The following ESR2 variants were observed in gnomAD, a reference collection of about 807,000 sequenced individuals.
ESR2 encodes the protein estrogen receptor 2, also known as estrogen receptor beta.
Under a neutral mutation model 49.6 loss-of-function variants are expected in ESR2, and 36 were observed. That is an observed-to-expected ratio of 0.73 (90% confidence interval 0.56 to 0.96). ESR2 has a LOEUF of 0.96. Ranked by LOEUF, ESR2 falls within the 40% of genes least tolerant of loss-of-function variation. ESR2 has a pLI of 0.00. For missense variants in ESR2, 714 were observed against 693.0 expected, an observed-to-expected ratio of 1.03 and a Z score of -0.34; for synonymous variants, 320 against 266.1, an observed-to-expected ratio of 1.20 and a Z score of -1.97.
chr14:64,301,297 AG>A (rs918333567), intron 1 of ESR2: 75 of 152,344 alleles, frequency 4.9e-4, no homozygotes, highest in African/African-American at 1.7e-3. Context: ...GACTTTCAGA[AG>A]GTAAGAAGTC....
At chr14:64,252,298 C>A (rs2076003472) in intron 6 of ESR2, among the ~76,000 whole-genome samples, 1 of 83,276 alleles carries the variant, frequency 1.2e-5, no homozygotes. Flanking sequence ...GGCCACAGAG[C>A]GGGACCGTCT....
rs371695344 is a variant in ESR2 at position 64,315,536 on chromosome 14, G to A, written c.-91+22362C>T. Among the ~76,000 whole-genome samples, 18 of 149,636 alleles carry A rather than the reference G, an allele frequency of 1.2e-4. No homozygotes were observed. In the East Asian group the frequency reaches 2.8e-3, roughly 23 times the overall value. ...GTTGCCCAGGCTGGAGTGCAGTGGCGCCATCTTGACTCACTGCAACCTCTG... is the reference window on the plus strand; with the variant it reads ...GTTGCCCAGGCTGGAGTGCAGTGGCACCATCTTGACTCACTGCAACCTCTG... On this transcript the variant is annotated intron_variant, in intron 1 of 8. Coordinates refer to the ESR2 transcript ENST00000358599.
chr14:64,260,735 C>T lies in ESR2; in HGVS notation c.666G>A (p.Glu222=), dbSNP rs761268108. The T allele has an allele frequency of 2.0e-6, 3 of 1,499,684 alleles. No homozygotes were observed. Among genetic ancestry groups the T allele is most frequent in the Admixed American group, 4.6e-5 (2 of 43,792 alleles). 92.9% of individuals were successfully genotyped at this position (1,499,684 alleles called of 1,614,324 possible). A position where few individuals can be genotyped will look rare whatever the true frequency, so the allele number is the denominator to read the frequency against. ...TCCGCACAAGGCGGTACCCACATCT[C>T]TCTCTCCGGGAGCCTGAAGAGGAAA... The part of the protein sequence containing the change: ...VGMVKCGSRR[E]RCGYRLVRRQ... The change falls in exon 5 of 9, where the codon GAG becomes GAA. Residue 222 remains glutamate, a synonymous_variant. Transcript: ENST00000341099.
At chr14:64,336,587 C>T (rs1412771728) in intron 1 of ESR2, 2 of 151,880 alleles carry the variant, frequency 1.3e-5, no homozygotes, top group African/African-American at 4.8e-5. Context: ...CTCCTGTTTC[C>T]TTCTCATCTC....
intron 1 of ESR2, among the ~76,000 whole-genome samples, chr14:64,314,019 A>T (rs1228288335): frequency 6.6e-6 from 1 of 152,190 alleles, no homozygotes; most frequent in Non-Finnish European, 1.5e-5. Context: ...ACCAGCATCA[A>T]CAAAATCCAA....
chr14:64,335,678 T>C (rs1320155499), intron 1 of ESR2, among the ~76,000 whole-genome samples: 2 of 152,116 alleles, frequency 1.3e-5, no homozygotes, highest in Non-Finnish European at 2.9e-5. Flanking sequence ...GGGGACACAA[T>C]TCCGTCTATA....
chr14:64,233,135 C>T lies in ESR2; in HGVS notation c.*2G>A, dbSNP rs200747927. ...TGGGCCAGTTCACCTCAGGGCCAGG[C>T]GTCACTGAGACTGTGGGTTCTGGGA... On this transcript the variant is annotated 3_prime_UTR_variant, in exon 9 of 9. Coordinates refer to ENST00000341099, the MANE Select transcript of ESR2 (RefSeq NM_001437.3). The T allele has an allele frequency of 2.3e-5, 37 of 1,612,294 alleles. No individual in the cohort carries two copies. Among genetic ancestry groups the T allele is most frequent in the Middle Eastern group, 1.7e-4 (1 of 5,916 alleles).
At chr14:64,247,651 GA>G (rs1032542625) in intron 7 of ESR2, among the ~76,000 whole-genome samples, 6 of 152,076 alleles carry the variant, frequency 3.9e-5, no homozygotes, top group Admixed American at 6.5e-5. Flanking sequence ...GTTTGAGGAA[GA>G]AAAAAAGTCA....
At chr14:64,280,982 C>T (rs113524009) in intron 2 of ESR2, among the ~76,000 whole-genome samples, 2,860 of 152,204 alleles carry the variant, frequency 0.019, 36 homozygotes, top group Middle Eastern at 0.034. Flanking sequence ...GCACTCCAGC[C>T]TGGGCAACAG....
At chr14:64,267,410 A>C (rs2076354338) in intron 4 of ESR2, among the ~76,000 whole-genome samples, 1 of 152,186 alleles carries the variant, frequency 6.6e-6, no homozygotes, top group Non-Finnish European at 1.5e-5. Flanking sequence ...CACTGGCAGG[A>C]TGTTCTACAG....
At chr14:64,289,158 T>C (rs1478198689) in intron 1 of ESR2, among the ~76,000 whole-genome samples, 1 of 152,120 alleles carries the variant, frequency 6.6e-6, no homozygotes, top group Non-Finnish European at 1.5e-5. Context: ...TAGAATCAGG[T>C]ACCTATTTGG....
chr14:64,246,028 T>C (rs2075849049), intron 7 of ESR2, among the ~76,000 whole-genome samples: 1 of 152,228 alleles, frequency 6.6e-6, no homozygotes, highest in Admixed American at 6.5e-5. Context: ...GTTGATCTTA[T>C]TCCATGATCA....
chr14:64,282,903 C>G lies in ESR2; in HGVS notation c.83G>C (p.Gly28Ala). The change falls in exon 2 of 9, where the codon GGC becomes GCC. Residue 28 changes from glycine to alanine, a missense_variant. Coordinates refer to ENST00000341099, the MANE Select transcript of ESR2 (RefSeq NM_001437.3). ...CSQSILPLEH[G>A]SIYIPSSYVD... Reference sequence around the variant, plus strand: ...ATAGGAGGAAGGTATGTATATGGAGCCGTGCTCCAGGGGTAAGATGGATTG... The same window carrying G: ...ATAGGAGGAAGGTATGTATATGGAGGCGTGCTCCAGGGGTAAGATGGATTG... 1 of 1,614,134 alleles carries G rather than the reference C, an allele frequency of 6.2e-7. No individual in the cohort carries two copies. Among genetic ancestry groups the G allele is most frequent in the Non-Finnish European group, 8.5e-7 (1 of 1,180,008 alleles).
chr14:64,242,313 G>A (rs1405955588), intron 7 of ESR2, among the ~76,000 whole-genome samples: 1 of 151,426 alleles, frequency 6.6e-6, no homozygotes, highest in Admixed American at 6.6e-5. Context: ...AGGAGGTTGA[G>A]ACAGAATTGA....
In ESR2 at chr14:64,230,064, C is replaced by T. The variant is rs1279668558; in HGVS notation, c.*3073G>A. 6.7e-6 allele frequency among the ~76,000 whole-genome samples: 1 copy of T among 149,692 alleles called. No individual in the cohort carries two copies. The highest frequency in any genetic ancestry group is 1.5e-5 in the Non-Finnish European group (1 of 67,554). ...AGTGGTGGTGTGCACCCCAGCTACTCGGCGAGGGCGGGAATGGGGTGGGAT... is the reference window on the plus strand; with the variant it reads ...AGTGGTGGTGTGCACCCCAGCTACTTGGCGAGGGCGGGAATGGGGTGGGAT... On this transcript the variant is annotated 3_prime_UTR_variant, in exon 9 of 9. Coordinates refer to ENST00000341099, the MANE Select transcript of ESR2 (RefSeq NM_001437.3).
At chr14:64,234,647 G>T (rs2098730654) in intron 8 of ESR2, 1 of 459,398 alleles carries the variant, frequency 2.2e-6, no homozygotes, top group Admixed American at 3.7e-5. Context: ...GCCCTGGGTG[G>T]TGTAAACAGG....
chr14:64,259,213 T>C (rs149458860), intron 5 of ESR2, among the ~76,000 whole-genome samples: 21 of 152,214 alleles, frequency 1.4e-4, no homozygotes, highest in African/African-American at 4.8e-4. Context: ...AAAATACAAC[T>C]AGAAACCAAA....
intron 6 of ESR2, among the ~76,000 whole-genome samples, chr14:64,254,367 T>G (rs1049163040): frequency 6.6e-6 from 1 of 152,156 alleles, no homozygotes; most frequent in Non-Finnish European, 1.5e-5. Flanking sequence ...CATAAAAGTA[T>G]ATTCATTTGT....
At chr14:64,282,603 C>A in intron 2 of ESR2, 21 bp downstream of exon 2, 2 of 1,563,076 alleles carry the variant, frequency 1.3e-6, no homozygotes, top group Non-Finnish European at 8.7e-7. Context: ...AACTATAATT[C>A]AGAATGAAGA....
Sources: gnomAD v4.1 joint callset for allele counts (sites outside exome capture counted in the v4.1 genomes callset) on GRCh38, gnomAD v4.1.1 for gene constraint, MANE v1.5 for transcripts, NCBI Gene and HGNC (gene_info 2026-07-23, HGNC 2026-07-21) for gene names.